GNAQ: variants seen among roughly 807,000 people sequenced by gnomAD.
GNAQ encodes G protein subunit alpha q, also known as guanine nucleotide-binding protein G(q) subunit alpha.
Under a neutral mutation model 43.9 loss-of-function variants are expected in GNAQ, and 8 were observed. The ratio of observed to expected loss-of-function variants is 0.18; its 90% CI spans 0.11 to 0.33. The LOEUF (loss-of-function observed/expected upper bound fraction) is 0.33. Ranked by LOEUF, GNAQ falls within the 10% of genes least tolerant of loss-of-function variation. The pLI is 1.00. For missense variants in GNAQ, 158 were observed against 450.8 expected (o/e 0.35, Z 5.88); for synonymous variants, 155 against 170.7 (o/e 0.91, Z 0.71).
At chr9:78,027,050 T>C (rs1022995436) in intron 1 of GNAQ, among the ~76,000 whole-genome samples, 2 of 152,190 alleles carry the variant, frequency 1.3e-5, no homozygotes, top group African/African-American at 4.8e-5. Context: ...AATAAAAATA[T>C]AGAATGGTTT....
At chr9:77,754,107 T>A (rs1825861030) in intron 5 of GNAQ, among the ~76,000 whole-genome samples, 1 of 152,214 alleles carries the variant, frequency 6.6e-6, no homozygotes, top group South Asian at 2.1e-4. Context: ...AGCCTCAGCG[T>A]GGATGGCACC....
At chr9:77,822,703 C>T (rs949168288) in intron 2 of GNAQ, among the ~76,000 whole-genome samples, 2 of 150,800 alleles carry the variant, frequency 1.3e-5, no homozygotes, top group Non-Finnish European at 2.9e-5. Context: ...CTGGAACATC[C>T]CATGTGAAAT....
At chr9:77,880,612 GT>G (rs1828193974) in intron 2 of GNAQ, among the ~76,000 whole-genome samples, 1 of 151,376 alleles carries the variant, frequency 6.6e-6, no homozygotes, top group South Asian at 2.1e-4. Flanking sequence ...GTTGCCCAGG[GT>G]GGCATATTTT....
intron 1 of GNAQ, among the ~76,000 whole-genome samples, chr9:77,958,330 C>T (rs149789417): frequency 2.7e-5 from 4 of 150,336 alleles, no homozygotes; most frequent in South Asian, 2.1e-4. Flanking sequence ...ATTGGCAACA[C>T]GAACAGAATA....
intron 1 of GNAQ, among the ~76,000 whole-genome samples, chr9:77,993,519 G>GA (rs1823533999): frequency 6.6e-6 from 1 of 152,004 alleles, no homozygotes; most frequent in African/African-American, 2.4e-5. Flanking sequence ...CAACAATTGT[G>GA]AAACACTGTC....
intron 1 of GNAQ, among the ~76,000 whole-genome samples, chr9:77,993,459 G>A (rs1167053587): frequency 6.6e-6 from 1 of 152,178 alleles, no homozygotes; most frequent in African/African-American, 2.4e-5. Flanking sequence ...AACACTTTGG[G>A]AGGCTGAGGC....
intron 5 of GNAQ, among the ~76,000 whole-genome samples, chr9:77,789,594 CTT>C (rs1471643387): frequency 6.6e-6 from 1 of 151,990 alleles, no homozygotes; most frequent in Non-Finnish European, 1.5e-5. Flanking sequence ...CTTCCAAATT[CTT>C]TTCTTTTTTG....
intron 1 of GNAQ, among the ~76,000 whole-genome samples, chr9:77,980,817 G>C (rs1823358676): frequency 6.6e-6 from 1 of 152,186 alleles, no homozygotes; most frequent in Non-Finnish European, 1.5e-5. Context: ...ACATATGTAA[G>C]AATCATGCAT....
At chr9:77,909,054 T>C (rs1447794974) in intron 2 of GNAQ, among the ~76,000 whole-genome samples, 2 of 152,182 alleles carry the variant, frequency 1.3e-5, no homozygotes, top group African/African-American at 4.8e-5. Context: ...TTTCTGTTTA[T>C]AGAGTCTGGC....
At chr9:77,994,600 T>G (rs1219881910) in intron 1 of GNAQ, among the ~76,000 whole-genome samples, 1 of 152,180 alleles carries the variant, frequency 6.6e-6, no homozygotes, top group Non-Finnish European at 1.5e-5. Context: ...TCACTTATGA[T>G]CCACCTCAAT....
At chr9:77,838,662 C>T (rs922063569) in intron 2 of GNAQ, among the ~76,000 whole-genome samples, 1 of 152,040 alleles carries the variant, frequency 6.6e-6, no homozygotes, top group African/African-American at 2.4e-5. Flanking sequence ...AGGTGATCCA[C>T]CCACCTCGGC....
At chr9:77,958,909 C>G (rs939556406) in intron 1 of GNAQ, among the ~76,000 whole-genome samples, 1 of 152,270 alleles carries the variant, frequency 6.6e-6, no homozygotes, top group South Asian at 2.1e-4. Context: ...CATGATTTTC[C>G]CCTTTTCCCA....
intron 1 of GNAQ, among the ~76,000 whole-genome samples, chr9:77,931,273 T>C (rs573597953): frequency 4.0e-5 from 6 of 151,790 alleles, no homozygotes; most frequent in African/African-American, 1.4e-4. Flanking sequence ...CCCTAAGCAT[T>C]AGACTTTTGC....
At chr9:77,803,086 T>C (rs1006007952) in intron 3 of GNAQ, among the ~76,000 whole-genome samples, 3 of 152,134 alleles carry the variant, frequency 2.0e-5, no homozygotes, top group African/African-American at 7.2e-5. Context: ...GTGCTCAGCA[T>C]GGACCCAAAT....
chr9:77,903,711 G>T (rs868768987), intron 2 of GNAQ, among the ~76,000 whole-genome samples: 1 of 152,150 alleles, frequency 6.6e-6, no homozygotes, highest in Middle Eastern at 3.4e-3. Flanking sequence ...AAGCACAAGT[G>T]TGTGTATGTA....
chr9:77,770,139 G>T (rs1243421326), intron 5 of GNAQ, among the ~76,000 whole-genome samples: 1 of 152,116 alleles, frequency 6.6e-6, no homozygotes, highest in Non-Finnish European at 1.5e-5. Flanking sequence ...AGGATATTAA[G>T]AATTCTAAAT....
intron 1 of GNAQ, among the ~76,000 whole-genome samples, chr9:77,925,859 A>G (rs918180952): frequency 1.3e-5 from 2 of 152,212 alleles, no homozygotes; most frequent in African/African-American, 4.8e-5. Flanking sequence ...ATGCTCAAGT[A>G]CCTGATATAA....
chr9:77,852,589 C>T (rs1228873718), intron 2 of GNAQ, among the ~76,000 whole-genome samples: 2 of 152,248 alleles, frequency 1.3e-5, no homozygotes, highest in African/African-American at 4.8e-5. Flanking sequence ...CAGTCCTTCA[C>T]AGCAAGGTGA....
At chr9:77,842,889 G>A (rs750320307) in intron 2 of GNAQ, among the ~76,000 whole-genome samples, 8 of 152,126 alleles carry the variant, frequency 5.3e-5, no homozygotes, top group Non-Finnish European at 1.2e-4. Flanking sequence ...ATTAATAGAG[G>A]CACATGATCC....
Sources: gnomAD v4.1 joint callset for allele counts (sites outside exome capture counted in the v4.1 genomes callset) on GRCh38, gnomAD v4.1.1 for gene constraint, MANE v1.5 for transcripts, NCBI Gene and HGNC (gene_info 2026-07-23, HGNC 2026-07-21) for gene names.